Variants in DCDC2 observed in about 807,000 individuals in gnomAD.
DCDC2 encodes doublecortin domain containing 2.
A neutral mutation model predicts 50.2 loss-of-function variants in DCDC2; 40 were observed. The observed-to-expected ratio is 0.80, with a 90% CI of 0.62 to 1.04. The LOEUF is 1.04. Ranked by LOEUF, DCDC2 falls within the 50% of genes least tolerant of loss-of-function variation. The probability of loss-of-function intolerance (pLI) is 0.00; values close to 1 mark genes in which losing one functional copy is unlikely to be tolerated. For missense variants in DCDC2, 570 were observed against 581.9 expected, an observed-to-expected ratio of 0.98 and a Z score of 0.21; for synonymous variants, 234 against 210.6, an observed-to-expected ratio of 1.11 and a Z score of -0.96.
chr6:24,299,919 CA>C (rs1031251339), intron 4 of DCDC2, among the ~76,000 whole-genome samples: 6 of 140,092 alleles, frequency 4.3e-5, no homozygotes, highest in Admixed American at 1.4e-4. Context: ...AACTCCATCT[CA>C]AAAAAAAATA....
chr6:24,270,680 T>C (rs557988743), intron 7 of DCDC2, among the ~76,000 whole-genome samples: 3 of 152,192 alleles, frequency 2.0e-5, no homozygotes, highest in South Asian at 2.1e-4. Context: ...ATAAACCCTA[T>C]GGCTACATCT....
At chr6:24,317,699 G>A (rs1022307112) in intron 2 of DCDC2, among the ~76,000 whole-genome samples, 1 of 151,156 alleles carries the variant, frequency 6.6e-6, no homozygotes, top group African/African-American at 2.4e-5. Context: ...CATAAGCAAA[G>A]TCATAAGACA....
At chr6:24,346,010 C>G (rs925498604) in intron 2 of DCDC2, among the ~76,000 whole-genome samples, 1 of 151,964 alleles carries the variant, frequency 6.6e-6, no homozygotes, top group Admixed American at 6.6e-5. Flanking sequence ...GAAACCCCAT[C>G]TCAACTAATA....
chr6:24,240,103 A>G (rs1247595639), intron 7 of DCDC2, among the ~76,000 whole-genome samples: 1 of 152,230 alleles, frequency 6.6e-6, no homozygotes, highest in African/African-American at 2.4e-5. Context: ...ATCTAGCATT[A>G]TCTGTAAGGT....
chr6:24,229,383 C>T (rs1310302897), intron 7 of DCDC2, among the ~76,000 whole-genome samples: 2 of 152,170 alleles, frequency 1.3e-5, no homozygotes, highest in African/African-American at 2.4e-5. Context: ...CCCTGTCTCA[C>T]ATTTAAAGGA....
At chr6:24,305,843 ACATGGTGAAACC>A (rs1323842602) in intron 2 of DCDC2, among the ~76,000 whole-genome samples, 3 of 152,144 alleles carry the variant, frequency 2.0e-5, no homozygotes, top group African/African-American at 7.2e-5. Context: ...GCCATGGCCA[ACATGGTGAAACC>A]CCATCTCTAC....
At chr6:24,295,031 C>T (rs1763831637) in intron 4 of DCDC2, among the ~76,000 whole-genome samples, 1 of 152,038 alleles carries the variant, frequency 6.6e-6, no homozygotes, top group Non-Finnish European at 1.5e-5. Context: ...AGCTTCACGC[C>T]AAGTTTGTTG....
intron 6 of DCDC2, among the ~76,000 whole-genome samples, chr6:24,287,951 G>C (rs1170257526): frequency 6.6e-6 from 1 of 152,144 alleles, no homozygotes; most frequent in Non-Finnish European, 1.5e-5. Context: ...AAGAGTCTCA[G>C]CTAATGAGTT....
intron 2 of DCDC2, among the ~76,000 whole-genome samples, chr6:24,339,956 T>C (rs533745730): frequency 1.3e-5 from 2 of 152,322 alleles, no homozygotes; most frequent in African/African-American, 4.8e-5. Flanking sequence ...TGAATATGAT[T>C]ATACATAAGG....
intron 6 of DCDC2, among the ~76,000 whole-genome samples, chr6:24,285,944 C>A (rs1554116259): frequency 6.6e-6 from 1 of 152,120 alleles, no homozygotes; most frequent in Non-Finnish European, 1.5e-5. Flanking sequence ...AATATCTATA[C>A]AGTACACAGA....
chr6:24,183,109 G>A lies in DCDC2; in HGVS notation c.1024-4477C>T, dbSNP rs538894332. On this transcript the variant is annotated intron_variant, in intron 8 of 9. Transcript: ENST00000378454. Reference sequence around the variant, plus strand: ...TGTAGTCAGAATCATAGAGCAGAGAGTAGAATGCTGATTGCCAGGTTGAGG... The same window carrying A: ...TGTAGTCAGAATCATAGAGCAGAGAATAGAATGCTGATTGCCAGGTTGAGG... Among the ~76,000 whole-genome samples, 9 of 152,308 alleles carry A rather than the reference G, an allele frequency of 5.9e-5. No individual in the cohort carries two copies. The South Asian group carries it at 1.9e-3, about 32-fold the overall frequency.
At chr6:24,317,609 T>A (rs187790830) in intron 2 of DCDC2, among the ~76,000 whole-genome samples, 1 of 151,996 alleles carries the variant, frequency 6.6e-6, no homozygotes, top group Admixed American at 6.6e-5. Context: ...TAATTATGAC[T>A]CCATATCCAG....
At chr6:24,226,725 T>C (rs1762241380) in intron 7 of DCDC2, among the ~76,000 whole-genome samples, 1 of 152,170 alleles carries the variant, frequency 6.6e-6, no homozygotes, top group Non-Finnish European at 1.5e-5. Context: ...AGGTGGAAAC[T>C]GATTCCACAG....
At chr6:24,277,842 C>T (rs1045921309) in intron 7 of DCDC2, among the ~76,000 whole-genome samples, 2 of 152,132 alleles carry the variant, frequency 1.3e-5, no homozygotes, top group African/African-American at 4.8e-5. Context: ...TATTTGATCT[C>T]AAAATAAGTG....
At chr6:24,196,470 C>T (rs1761443572) in intron 8 of DCDC2, among the ~76,000 whole-genome samples, 1 of 152,174 alleles carries the variant, frequency 6.6e-6, no homozygotes, top group Admixed American at 6.6e-5. Flanking sequence ...ACCCACACTA[C>T]AGTGAGGTGG....
intron 7 of DCDC2, among the ~76,000 whole-genome samples, chr6:24,262,815 G>A (rs1364741639): frequency 6.6e-6 from 1 of 152,244 alleles, no homozygotes; most frequent in Non-Finnish European, 1.5e-5. Context: ...TGAAGGGAAG[G>A]ACATGGGTCT....
At chr6:24,265,916 G>T (rs1265146952) in intron 7 of DCDC2, among the ~76,000 whole-genome samples, 1 of 150,262 alleles carries the variant, frequency 6.7e-6, no homozygotes, top group Non-Finnish European at 1.5e-5. Context: ...AAATGAAATT[G>T]AAACAAAAAA....
At chr6:24,241,479 A>G (rs1338965784) in intron 7 of DCDC2, among the ~76,000 whole-genome samples, 2 of 152,230 alleles carry the variant, frequency 1.3e-5, no homozygotes, top group Non-Finnish European at 2.9e-5. Flanking sequence ...AAAGAATTAA[A>G]AATTAAAATA....
At chr6:24,270,754 C>T (rs1269626928) in intron 7 of DCDC2, among the ~76,000 whole-genome samples, 1 of 152,170 alleles carries the variant, frequency 6.6e-6, no homozygotes, top group Admixed American at 6.5e-5. Flanking sequence ...TGACATCAGA[C>T]ACCTCCCTAA....
Sources: gnomAD v4.1 joint callset for allele counts (sites outside exome capture counted in the v4.1 genomes callset) on GRCh38, gnomAD v4.1.1 for gene constraint, MANE v1.5 for transcripts, NCBI Gene and HGNC (gene_info 2026-07-23, HGNC 2026-07-21) for gene names.